HRH1: variants seen among roughly 807,000 people sequenced by gnomAD.
HRH1 encodes histamine H1 receptor.
Under a neutral mutation model 10.3 loss-of-function variants are expected in HRH1, and 6 were observed. The ratio of observed to expected loss-of-function variants is 0.58; its 90% CI spans 0.32 to 1.15. The LOEUF is 1.15. Among genes scored for constraint, HRH1 ranks in the 50% most tolerant of loss-of-function variants. The pLI, the probability that HRH1 is intolerant of heterozygous loss-of-function variation, is 0.05. For missense variants in HRH1, 514 were observed against 615.3 expected (o/e 0.84, Z 1.74); for synonymous variants, 242 against 236.7 (o/e 1.02, Z -0.21).
At position 11,262,559 on chromosome 3, in the gene HRH1, C is replaced by T. The variant is rs1432727681; in HGVS notation, c.*2058C>T. The stretch of plus-strand genomic sequence containing the variant: ...TTCAGAAGCTGCAGCTGGTCTGTTT[C>T]CAGGTCAGAAACCATTGTTCAGAAG... On this transcript the variant is annotated 3_prime_UTR_variant, in exon 2 of 2. Coordinates refer to ENST00000431010, the MANE Select transcript of HRH1 (RefSeq NM_001098212.2). 2 of 167,074 alleles carry T rather than the reference C, an allele frequency of 1.2e-5. No individual in the cohort carries two copies. The highest frequency in any genetic ancestry group is 2.9e-5 in the Non-Finnish European group (2 of 68,124). The allele number at this position is 167,074 out of a possible 1,614,324, so 10.3% of individuals were successfully genotyped here.
At chr3:11,215,791 G>A (rs1938473171) in intron 1 of HRH1, among the ~76,000 whole-genome samples, 1 of 152,330 alleles carries the variant, frequency 6.6e-6, no homozygotes, top group South Asian at 2.1e-4. Context: ...GACTAATTCA[G>A]TGAATCAGTT....
chr3:11,147,040 C>T (rs717569), intron 1 of HRH1, among the ~76,000 whole-genome samples: 2,632 of 152,262 alleles, frequency 0.017, 79 homozygotes, highest in African/African-American at 0.06. Context: ...AAGATTTCCT[C>T]GCGTGTGATG....
At chr3:11,168,232 T>C (rs1389446987) in intron 1 of HRH1, among the ~76,000 whole-genome samples, 1 of 151,438 alleles carries the variant, frequency 6.6e-6, no homozygotes, top group Non-Finnish European at 1.5e-5. Flanking sequence ...CAGGGCACAG[T>C]GAGTGAGGGT....
At chr3:11,163,956 G>T (rs933955651) in intron 1 of HRH1, among the ~76,000 whole-genome samples, 6 of 152,144 alleles carry the variant, frequency 3.9e-5, no homozygotes, top group Non-Finnish European at 5.9e-5. Context: ...TCCCCCCATG[G>T]CTGTGAGCAG....
Position 11,259,884 on chromosome 3 carries a change from A to G in HRH1, c.847A>G (p.Met283Val). ...GTCACCATCCCAAACCCCCAAGGAG[A>G]TGAAATCCCCAGTTGTCTTCAGCCA... Reference protein sequence around the residue: ...LKSPSQTPKEMKSPVVFSQED... With the variant: ...LKSPSQTPKEVKSPVVFSQED... Residue 283 changes from methionine to valine, a missense_variant, in exon 2 of 2, where the codon ATG (methionine) becomes GTG (valine). By Grantham distance (21) the Met-to-Val change is conservative. Transcript: ENST00000431010. The surrounding 1 kb of genome is among the most constrained non-coding windows in gnomAD (Gnocchi z 4.6). The G allele has an allele frequency of 6.2e-7, 1 of 1,614,132 alleles. No individual in the cohort carries two copies. Among genetic ancestry groups the G allele is most frequent in the Non-Finnish European group, 8.5e-7 (1 of 1,180,022 alleles).
intron 1 of HRH1, among the ~76,000 whole-genome samples, chr3:11,210,693 C>T (rs935228351): frequency 1.3e-5 from 2 of 150,228 alleles, no homozygotes; most frequent in African/African-American, 4.9e-5. Context: ...CCGGGGAGGC[C>T]AAGGTGGGAG....
chr3:11,187,360 T>C (rs1937466766), intron 1 of HRH1, among the ~76,000 whole-genome samples: 1 of 151,966 alleles, frequency 6.6e-6, no homozygotes, highest in African/African-American at 2.4e-5. Context: ...TTTTTTTTTC[T>C]TTTAACTACA....
chr3:11,260,628 C>G lies in HRH1; in HGVS notation c.*127C>G. ...GGAATCCAAACCACAGTCTTAGGGG[C>G]TTGGTAGTTTGGAAAGTTCTTAGGC... On this transcript the variant is annotated 3_prime_UTR_variant, in exon 2 of 2. Coordinates refer to ENST00000431010, the MANE Select transcript of HRH1 (RefSeq NM_001098212.2). 1.2e-6 allele frequency: 1 copy of G among 847,196 alleles called. No individual in the cohort carries two copies. The highest frequency in any genetic ancestry group is 2.9e-4 in the Middle Eastern group (1 of 3,498). The allele number at this position is 847,196 out of a possible 1,614,324, so 52.5% of individuals were successfully genotyped here.
At chr3:11,237,327 A>G (rs1056122018) in intron 1 of HRH1, among the ~76,000 whole-genome samples, 4 of 152,132 alleles carry the variant, frequency 2.6e-5, no homozygotes, top group Non-Finnish European at 5.9e-5. Flanking sequence ...TAAAGTGTTT[A>G]TTTATTTCCC....
upstream of HRH1, among the ~76,000 whole-genome samples, chr3:11,150,151 G>A (rs1936571052): frequency 6.6e-6 from 1 of 152,134 alleles, no homozygotes; most frequent in Non-Finnish European, 1.5e-5. Context: ...TTTTCTAATT[G>A]CCAAAGTAAT....
At position 11,154,791 on chromosome 3, in the gene HRH1, C is replaced by G. The variant is rs375246134; in HGVS notation, c.-36+237C>G. ...CTCTCCACACTGTGGCCTCAGCACT[C>G]GACGCGCAGACACCTTTAGCTTCCC... On this transcript the variant is annotated intron_variant, in intron 1 of 1. Coordinates refer to ENST00000431010, the MANE Select transcript of HRH1 (RefSeq NM_001098212.2). The surrounding 1 kb of genome is among the most constrained non-coding windows in gnomAD (Gnocchi z 4.4). Among the ~76,000 whole-genome samples the G allele has an allele frequency of 6.6e-6, 1 of 152,080 alleles. No individual in the cohort carries two copies. Among genetic ancestry groups the G allele is most frequent in the Non-Finnish European group, 1.5e-5 (1 of 68,002 alleles).
Position 11,231,987 on chromosome 3 carries a change from T to C in HRH1, c.-35-27016T>C, listed in dbSNP as rs370417811. Among the ~76,000 whole-genome samples, 49 of 151,602 alleles carry C rather than the reference T, an allele frequency of 3.2e-4. No homozygotes were observed. The East Asian group carries it at 9.3e-3, about 29-fold the overall frequency. On this transcript the variant is annotated intron_variant, in intron 1 of 1. Transcript: ENST00000431010. ...ACACTTAATGGTCTGTGGAGCATTTTGAGTTAATTTTTTTTTTTTTTTTTA... is the reference window on the plus strand; with the variant it reads ...ACACTTAATGGTCTGTGGAGCATTTCGAGTTAATTTTTTTTTTTTTTTTTA...
At chr3:11,248,996 A>T (rs1204341023) in intron 1 of HRH1, among the ~76,000 whole-genome samples, 1 of 152,076 alleles carries the variant, frequency 6.6e-6, no homozygotes, top group Admixed American at 6.5e-5. Context: ...AGGCATTTGG[A>T]TCTTGATATC....
chr3:11,239,181 CCTT>C (rs1375112357), intron 1 of HRH1, among the ~76,000 whole-genome samples: 1 of 152,166 alleles, frequency 6.6e-6, no homozygotes, highest in Non-Finnish European at 1.5e-5. Flanking sequence ...TTGTTATTGT[CCTT>C]CTTTTTAAAT....
chr3:11,146,109 G>C (rs77785750), intron 1 of HRH1, among the ~76,000 whole-genome samples: 3,759 of 152,268 alleles, frequency 0.025, 136 homozygotes, highest in East Asian at 0.11. Flanking sequence ...GTAGATTTAT[G>C]TTTATTAAAG....
At chr3:11,163,464 A>G (rs1287370751) in intron 1 of HRH1, among the ~76,000 whole-genome samples, 1 of 152,146 alleles carries the variant, frequency 6.6e-6, no homozygotes, top group East Asian at 1.9e-4. Context: ...TGGTCAAAAC[A>G]TGGGCTTGGA....
chr3:11,186,876 A>C (rs761242429), intron 1 of HRH1, among the ~76,000 whole-genome samples: 2 of 152,216 alleles, frequency 1.3e-5, no homozygotes, highest in African/African-American at 4.8e-5. Context: ...TGGCATTACA[A>C]ATCACTGGAG....
intron 1 of HRH1, among the ~76,000 whole-genome samples, chr3:11,245,527 G>T (rs1400957846): frequency 1.3e-5 from 2 of 152,146 alleles, no homozygotes; most frequent in Non-Finnish European, 1.5e-5. Context: ...TTTAGTAACT[G>T]ATGTGTGAGA....
At chr3:11,185,314 G>A (rs1443710832) in intron 1 of HRH1, among the ~76,000 whole-genome samples, 1 of 152,140 alleles carries the variant, frequency 6.6e-6, no homozygotes, top group Non-Finnish European at 1.5e-5. Flanking sequence ...AACATCCTTC[G>A]AGTTCTGGCT....
Sources: gnomAD v4.1 joint callset for allele counts (sites outside exome capture counted in the v4.1 genomes callset) on GRCh38, gnomAD v4.1.1 for gene constraint, Gnocchi (gnomAD v3.1) non-coding constraint, MANE v1.5 for transcripts, NCBI Gene and HGNC (gene_info 2026-07-23, HGNC 2026-07-21) for gene names.